Variants in FOXJ3 observed in about 807,000 individuals in gnomAD.
The protein encoded by FOXJ3 is forkhead box J3.
Under a neutral mutation model 76.1 loss-of-function variants are expected in FOXJ3, and 22 were observed. The ratio of observed to expected loss-of-function variants is 0.29; its 90% CI spans 0.21 to 0.41. The LOEUF (loss-of-function observed/expected upper bound fraction) is 0.41, where lower values mean the gene tolerates loss of function less well. Ranked by LOEUF, FOXJ3 falls within the 10% of genes least tolerant of loss-of-function variation. The pLI is 1.00. For missense variants in FOXJ3, 613 were observed against 762.1 expected (o/e 0.80, Z 2.30); for synonymous variants, 269 against 261.2 (o/e 1.03, Z -0.29).
At chr1:42,246,472 A>G (rs1196840624) in intron 4 of FOXJ3, among the ~76,000 whole-genome samples, 3 of 152,194 alleles carry the variant, frequency 2.0e-5, no homozygotes, top group East Asian at 1.9e-4. Flanking sequence ...AATCAAAACC[A>G]GAAGGTGATA....
chr1:42,259,801 A>T (rs1650895829), intron 4 of FOXJ3, among the ~76,000 whole-genome samples: 1 of 152,136 alleles, frequency 6.6e-6, no homozygotes, highest in African/African-American at 2.4e-5. Flanking sequence ...GATTCTACCC[A>T]GCTTTGCTCT....
intron 5 of FOXJ3, among the ~76,000 whole-genome samples, chr1:42,215,679 AAAAT>A (rs1647050583): frequency 6.6e-6 from 1 of 152,236 alleles, no homozygotes; most frequent in African/African-American, 2.4e-5. Context: ...CAAATTCTTG[AAAAT>A]AAAGATAGAA....
chr1:42,237,911 TACACACACAC>T (rs60804378), intron 4 of FOXJ3, among the ~76,000 whole-genome samples: 43 of 150,694 alleles, frequency 2.9e-4, no homozygotes, highest in Middle Eastern at 3.4e-3. Context: ...TCTATCAAAA[TACACACACAC>T]ACACACACAC....
chr1:42,250,826 G>C (rs1039464617), intron 4 of FOXJ3, among the ~76,000 whole-genome samples: 2 of 133,468 alleles, frequency 1.5e-5, no homozygotes, highest in African/African-American at 5.7e-5. Context: ...AAAAAGTCCA[G>C]TAATTGAAAT....
chr1:42,256,583 C>A (rs1034984347), intron 4 of FOXJ3, among the ~76,000 whole-genome samples: 2 of 152,196 alleles, frequency 1.3e-5, no homozygotes, highest in African/African-American at 4.8e-5. Flanking sequence ...CAGGTAATAA[C>A]CAACTGTTGG....
chr1:42,311,695 CAGAA>C (rs1392691802), intron 1 of FOXJ3, among the ~76,000 whole-genome samples: 3 of 84,638 alleles, frequency 3.5e-5, no homozygotes, highest in African/African-American at 1.4e-4. Context: ...AGCACTGAAA[CAGAA>C]AGAACTTTGA....
intron 4 of FOXJ3, among the ~76,000 whole-genome samples, chr1:42,260,062 AAC>A (rs1650914412): frequency 6.6e-6 from 1 of 152,322 alleles, no homozygotes; most frequent in African/African-American, 2.4e-5. Flanking sequence ...TTTGTACAGA[AAC>A]ACAGATAAAC....
At chr1:42,197,065 T>C (rs1646665238) in intron 7 of FOXJ3, among the ~76,000 whole-genome samples, 1 of 152,232 alleles carries the variant, frequency 6.6e-6, no homozygotes, top group Non-Finnish European at 1.5e-5. Context: ...CAGGATACTT[T>C]CTAATCTCTG....
chr1:42,290,201 C>G (rs1049733863), intron 2 of FOXJ3, among the ~76,000 whole-genome samples: 1 of 152,006 alleles, frequency 6.6e-6, no homozygotes, highest in African/African-American at 2.4e-5. Context: ...ACTACACCAC[C>G]AGTCAATTCA....
chr1:42,272,354 G>A (rs923194094), intron 3 of FOXJ3, among the ~76,000 whole-genome samples: 7 of 152,212 alleles, frequency 4.6e-5, no homozygotes, highest in Non-Finnish European at 1.0e-4. Context: ...AATAGAACAA[G>A]GCCTGCGCAA....
At chr1:42,236,788 A>G (rs953843220) in intron 4 of FOXJ3, among the ~76,000 whole-genome samples, 4 of 152,198 alleles carry the variant, frequency 2.6e-5, no homozygotes, top group Non-Finnish European at 5.9e-5. Flanking sequence ...AGTGTATGAC[A>G]ATACAGCTTT....
At chr1:42,218,556 T>C (rs976802984) in intron 5 of FOXJ3, among the ~76,000 whole-genome samples, 2 of 152,242 alleles carry the variant, frequency 1.3e-5, no homozygotes, top group Non-Finnish European at 2.9e-5. Flanking sequence ...GTAACTTTTA[T>C]AACAATGCAT....
At chr1:42,263,844 G>C (rs1241155470) in intron 4 of FOXJ3, among the ~76,000 whole-genome samples, 1 of 147,646 alleles carries the variant, frequency 6.8e-6, no homozygotes, top group Non-Finnish European at 1.5e-5. Flanking sequence ...AGATACACAT[G>C]AACCCTACTT....
intron 2 of FOXJ3, chr1:42,280,438 T>TAAA (rs71065112): frequency 0.16 from 12,007 of 77,432 alleles, 3,225 homozygotes; most frequent in East Asian, 0.28. Context: ...TCAGAGATCT[T>TAAA]AAAAAAAAAA....
At chr1:42,304,071 C>T (rs1428888610) in intron 2 of FOXJ3, among the ~76,000 whole-genome samples, 1 of 151,850 alleles carries the variant, frequency 6.6e-6, no homozygotes, top group South Asian at 2.1e-4. Context: ...CTGCAGGAGA[C>T]AAAAATCAAC....
intron 1 of FOXJ3, among the ~76,000 whole-genome samples, chr1:42,327,410 T>C (rs971618327): frequency 7.2e-5 from 11 of 152,224 alleles, no homozygotes; most frequent in Admixed American, 6.5e-5. Flanking sequence ...GTTGTGTCTG[T>C]AATTACCCAA....
chr1:42,283,051 G>GA (rs1323960446), intron 2 of FOXJ3, among the ~76,000 whole-genome samples: 2 of 152,138 alleles, frequency 1.3e-5, no homozygotes, highest in Non-Finnish European at 2.9e-5. Context: ...TCATAGGTTT[G>GA]AAGTCTTTCG....
intron 11 of FOXJ3, among the ~76,000 whole-genome samples, chr1:42,187,293 T>C (rs992251396): frequency 6.6e-6 from 1 of 152,272 alleles, no homozygotes; most frequent in Non-Finnish European, 1.5e-5. Context: ...TTAGTACTTT[T>C]TGAGGCTGAC....
At chr1:42,301,139 A>G (rs1440432446) in intron 2 of FOXJ3, among the ~76,000 whole-genome samples, 3 of 152,076 alleles carry the variant, frequency 2.0e-5, no homozygotes, top group Non-Finnish European at 2.9e-5. Context: ...TCTGTAGAAT[A>G]TCTATAACCT....
Sources: gnomAD v4.1 joint callset for allele counts (sites outside exome capture counted in the v4.1 genomes callset) on GRCh38, gnomAD v4.1.1 for gene constraint, MANE v1.5 for transcripts, NCBI Gene and HGNC (gene_info 2026-07-23, HGNC 2026-07-21) for gene names.